LGI1: variants seen among roughly 807,000 people sequenced by gnomAD.
LGI1 encodes leucine rich glioma inactivated 1.
In LGI1, 11 loss-of-function variants were observed where a neutral mutation model predicts 57.7. That is an observed-to-expected ratio of 0.19 (90% CI 0.12 to 0.32). The LOEUF (loss-of-function observed/expected upper bound fraction) is 0.32. LGI1 is among the 10% of genes least tolerant of loss of function. The pLI, the probability that LGI1 is intolerant of heterozygous loss-of-function variation, is 1.00. For missense variants in LGI1, 422 were observed against 661.9 expected (o/e 0.64, Z 3.98); for synonymous variants, 222 against 241.9 (o/e 0.92, Z 0.76).
intron 2 of LGI1, 75 bp from the exon 3 acceptor site, chr10:93,777,304 T>A (rs569710172): frequency 1.5e-6 from 2 of 1,313,848 alleles, no homozygotes; most frequent in Non-Finnish European, 2.2e-6. Context: ...CCACTCATTT[T>A]TCTGAGAGAT....
In LGI1 at chr10:93,784,760, A is replaced by T. The variant is rs574403052; in HGVS notation, c.432-5339A>T. The stretch of plus-strand genomic sequence containing the variant: ...CTGCTTAACAGCTCTTGGCTAACAG[A>T]TCTTTGCAGAGGAAGGAGGGTCCCC... On this transcript the variant is annotated intron_variant, in intron 4 of 7. Transcript: ENST00000371418. Among the ~76,000 whole-genome samples, 6 of 152,216 alleles carry T rather than the reference A, an allele frequency of 3.9e-5. No individual in the cohort carries two copies. The East Asian group carries it at 1.2e-3, about 29-fold the overall frequency.
chr10:93,773,360 A>G (rs2059758605), intron 2 of LGI1, among the ~76,000 whole-genome samples: 1 of 152,186 alleles, frequency 6.6e-6, no homozygotes, highest in South Asian at 2.1e-4. Context: ...GGAAAAGGGT[A>G]CTGAACCAGG....
chr10:93,793,377 G>C, intron 7 of LGI1, 27 bp downstream of exon 7: 1 of 1,605,712 alleles, frequency 6.2e-7, no homozygotes, highest in Non-Finnish European at 8.5e-7. Flanking sequence ...GATATTTTGA[G>C]TGGTAATTTA....
In LGI1 at chr10:93,786,655, G is replaced by GGTATGATCGTGGCTCACTGCAACA. The variant is rs1564848765; in HGVS notation, c.432-3436_432-3435insGTGGCTCACTGCAACAGTATGATC. On this transcript the variant is annotated intron_variant, in intron 4 of 7. Transcript: ENST00000371418. The stretch of plus-strand genomic sequence containing the variant: ...TCTGTCACCCAGGCTGGAGTGCAGT[G>GGTATGATCGTGGCTCACTGCAACA]GTATGATCATGGCTCACTGCAGCCT... 1.0e-4 allele frequency among the ~76,000 whole-genome samples: 2 copies of GGTATGATCGTGGCTCACTGCAACA among 19,566 alleles called. 1 individual carries two copies. Among genetic ancestry groups the GGTATGATCGTGGCTCACTGCAACA allele is most frequent in the African/African-American group, 1.1e-4 (2 of 17,922 alleles). The allele number at this position is 19,566 out of a possible 152,430, so 12.8% of individuals were successfully genotyped here. A position where few individuals can be genotyped will look rare whatever the true frequency, so the allele number is the denominator to read the frequency against.
In LGI1 at chr10:93,761,386, C is replaced by G. The variant is rs143222272; in HGVS notation, c.287+2555C>G. On this transcript the variant is annotated intron_variant, in intron 2 of 7. Transcript: ENST00000371418. Reference sequence around the variant, plus strand: ...ACTGTGAAGAGATAAATTTCAGAATCAATTCGGCTTGATTGACGTAGGAAG... The same window carrying G: ...ACTGTGAAGAGATAAATTTCAGAATGAATTCGGCTTGATTGACGTAGGAAG... Among the ~76,000 whole-genome samples, 937 of 152,290 alleles carry G rather than the reference C, an allele frequency of 6.2e-3. 11 individuals are homozygous for G. Among genetic ancestry groups the G allele is most frequent in the African/African-American group, 0.021 (886 of 41,556 alleles).
chr10:93,794,410 C>T (rs2059963303), intron 7 of LGI1: 1 of 133,394 alleles, frequency 7.5e-6, no homozygotes, highest in Non-Finnish European at 1.5e-5. Flanking sequence ...GTTACCCAGG[C>T]TGGAGTGCAG....
chr10:93,785,620 A>G (rs550431652), intron 4 of LGI1, among the ~76,000 whole-genome samples: 15 of 152,324 alleles, frequency 9.8e-5, no homozygotes, highest in African/African-American at 3.6e-4. Context: ...ACGTATAGCA[A>G]CTAGAGCTTC....
chr10:93,792,599 TG>T, intron 5 of LGI1, 143 bp from the exon 6 acceptor site: 2 of 791,220 alleles, frequency 2.5e-6, no homozygotes, highest in Non-Finnish European at 4.5e-6. Context: ...AGTGAATGAG[TG>T]GTCAGTCAGG....
chr10:93,792,551 G>T (rs997359543), intron 5 of LGI1, 192 bp from the exon 6 acceptor site: 1 of 651,566 alleles, frequency 1.5e-6, no homozygotes, highest in Non-Finnish European at 2.8e-6. Context: ...TGACTGGGTA[G>T]TCTTCAAGTG....
chr10:93,763,212 A>T (rs772190983), intron 2 of LGI1: 2 of 152,258 alleles, frequency 1.3e-5, no homozygotes, highest in Non-Finnish European at 2.9e-5. Context: ...CTGAGCTGGC[A>T]TCCATAGTGT....
chr10:93,793,055 C>A, intron 6 of LGI1, 131 bp from the exon 7 acceptor site: 1 of 1,118,478 alleles, frequency 8.9e-7, no homozygotes, highest in Non-Finnish European at 1.3e-6. Context: ...ATTGACAATG[C>A]TTCATGTGTT....
intron 4 of LGI1, 121 bp downstream of exon 4, chr10:93,777,738 C>A (rs944079445): frequency 4.1e-6 from 3 of 736,512 alleles, no homozygotes; most frequent in Admixed American, 2.1e-5. Flanking sequence ...CAAATGACTT[C>A]TCTCCATGCA....
At chr10:93,787,109 G>T (rs1173286421) in intron 4 of LGI1, among the ~76,000 whole-genome samples, 1 of 152,116 alleles carries the variant, frequency 6.6e-6, no homozygotes, top group East Asian at 1.9e-4. Context: ...GCTTCCTCTT[G>T]AGTCTGCTTC....
At chr10:93,760,526 A>G (rs536738757) in intron 2 of LGI1, among the ~76,000 whole-genome samples, 1 of 152,338 alleles carries the variant, frequency 6.6e-6, no homozygotes, top group African/African-American at 2.4e-5. Context: ...TCAGTCCTTA[A>G]AATTCCAGGA....
In LGI1 at chr10:93,777,100, A is replaced by T. The variant is rs531847064; in HGVS notation, c.288-279A>T. 1.1e-5 allele frequency: 6 copies of T among 550,186 alleles called. 1 individual carries two copies. In the East Asian group the frequency reaches 1.9e-4, roughly 17 times the overall value. The allele number at this position is 550,186 out of a possible 1,614,324, so 34.1% of individuals were successfully genotyped here. ...AAATGTTGCTTTGGCTGCTTTGGCT[A>T]TCATAGCTGCTCTGATTGTATCTCA... On this transcript the variant is annotated intron_variant, in intron 2 of 7. Transcript: ENST00000371418.
chr10:93,789,005 T>C (rs902307300), intron 4 of LGI1: 1 of 152,208 alleles, frequency 6.6e-6, no homozygotes, highest in African/African-American at 2.4e-5. Flanking sequence ...CTTGGTGACC[T>C]TCCCCAGTCA....
intron 2 of LGI1, chr10:93,759,091 A>G (rs571853156): frequency 6.0e-6 from 3 of 504,004 alleles, no homozygotes; most frequent in African/African-American, 3.9e-5. Flanking sequence ...TCTTGCAACA[A>G]TGATCCCAAT....
chr10:93,797,783 A>G lies in LGI1; in HGVS notation c.1654A>G (p.Ile552Val). Residue 552 changes from isoleucine to valine, a missense_variant, in exon 8 of 8, where the codon ATA (isoleucine) becomes GTA (valine). Physicochemically the swap from Ile to Val is conservative, Grantham distance 29. Transcript: ENST00000371418. This position sits in a 1 kb window ranked among gnomAD's most constrained non-coding sequence, Gnocchi z 6.5. Reference sequence around the variant, plus strand: ...AAATACACAGATTTACAAACATGTCATAGTTGACTTAAGCGCATGAGACAC... The same window carrying G: ...AAATACACAGATTTACAAACATGTCGTAGTTGACTTAAGCGCATGAGACAC... ...KGNTQIYKHVIVDLSA is the reference protein window; with the variant it reads ...KGNTQIYKHVVVDLSA The G allele has an allele frequency of 6.2e-7, 1 of 1,602,584 alleles. No homozygotes were observed. Among genetic ancestry groups the G allele is most frequent in the South Asian group, 1.1e-5 (1 of 91,080 alleles).
Position 93,797,251 on chromosome 10 carries a change from C to T in LGI1, c.1122C>T (p.His374=), listed in dbSNP as rs150515718. 40 of 1,614,160 alleles carry T rather than the reference C, an allele frequency of 2.5e-5. No homozygotes were observed. The highest frequency in any genetic ancestry group is 1.6e-4 in the African/African-American group (12 of 75,040). The change falls in exon 8 of 8, where the codon CAC becomes CAT. Residue 374 remains histidine (H), a synonymous_variant. Coordinates refer to ENST00000371418, the MANE Select transcript of LGI1 (RefSeq NM_005097.4). The surrounding 1 kb of genome is among the most constrained non-coding windows in gnomAD (Gnocchi z 6.5). ...GNGFYSHQSL[H]AWYRDTDVEY... is the part of the protein sequence containing the mutation. ...GATTCTACTCCCATCAATCCTTACACGCGTGGTACAGGGACACTGATGTGG... is the reference window on the plus strand; with the variant it reads ...GATTCTACTCCCATCAATCCTTACATGCGTGGTACAGGGACACTGATGTGG...
Sources: allele counts gnomAD v4.1 joint callset (sites outside exome capture counted in the v4.1 genomes callset), GRCh38; gene constraint gnomAD v4.1.1; non-coding constraint Gnocchi (gnomAD v3.1); transcripts MANE v1.5; gene names NCBI Gene and HGNC (gene_info 2026-07-23, HGNC 2026-07-21).